The following BABAM2 variants were observed in gnomAD, a reference collection of about 807,000 sequenced individuals.
BABAM2 encodes the protein BRISC and BRCA1-A complex member 2.
In BABAM2, 31 loss-of-function variants were observed where a neutral mutation model predicts 54.7. The ratio of observed to expected loss-of-function variants is 0.57; its 90% CI spans 0.43 to 0.77. BABAM2 has a LOEUF of 0.77. Among genes scored for constraint, BABAM2 ranks in the 30% least tolerant of loss-of-function variants. The pLI, the probability that BABAM2 is intolerant of heterozygous loss-of-function variation, is 0.00. For missense variants in BABAM2, 364 were observed against 455.8 expected, an observed-to-expected ratio of 0.80 and a Z score of 1.83; for synonymous variants, 167 against 162.9, an observed-to-expected ratio of 1.03 and a Z score of -0.19.
At chr2:28,175,339 G>C (rs1674804347) in intron 7 of BABAM2, among the ~76,000 whole-genome samples, 1 of 152,116 alleles carries the variant, frequency 6.6e-6, no homozygotes, top group Admixed American at 6.6e-5. Context: ...CCACCTGGGG[G>C]CCTGAGGATC....
chr2:28,043,437 G>A (rs1677293426), intron 5 of BABAM2, among the ~76,000 whole-genome samples: 1 of 152,150 alleles, frequency 6.6e-6, no homozygotes, highest in South Asian at 2.1e-4. Flanking sequence ...CCTGGAGCAT[G>A]TATTCTTTTA....
chr2:27,899,326 A>G (rs1215012208), intron 2 of BABAM2, among the ~76,000 whole-genome samples: 1 of 152,174 alleles, frequency 6.6e-6, no homozygotes, highest in African/African-American at 2.4e-5. Context: ...ATCCTGAGAA[A>G]CCAGTTACGT....
chr2:28,247,554 C>T (rs551871700), intron 10 of BABAM2, among the ~76,000 whole-genome samples: 3 of 152,090 alleles, frequency 2.0e-5, no homozygotes, highest in Non-Finnish European at 4.4e-5. Context: ...TAACAAAGAA[C>T]ATTGCAGTGA....
intron 6 of BABAM2, among the ~76,000 whole-genome samples, chr2:28,105,940 CT>C (rs376801082): frequency 2.4e-3 from 337 of 141,508 alleles, no homozygotes; most frequent in Middle Eastern, 3.7e-3. Context: ...CAGCTCCTGT[CT>C]TTTTTTTTTT....
intron 6 of BABAM2, among the ~76,000 whole-genome samples, chr2:28,075,212 A>ATGGACACTT (rs1410781750): frequency 3.3e-5 from 5 of 152,298 alleles, no homozygotes; most frequent in African/African-American, 9.6e-5. Context: ...CTTGATCACA[A>ATGGACACTT]TGGACACTTT....
chr2:27,907,913 A>G (rs1051485799), intron 2 of BABAM2, among the ~76,000 whole-genome samples: 4 of 152,178 alleles, frequency 2.6e-5, no homozygotes, highest in African/African-American at 7.2e-5. Context: ...TTGTTTATCC[A>G]TTCATCTATT....
In BABAM2 at chr2:28,298,456, C is replaced by T; in HGVS notation, c.1053C>T (p.Pro351=). 6.2e-7 allele frequency: 1 copy of T among 1,614,174 alleles called. No individual in the cohort carries two copies. The change falls in exon 11 of 12, where the codon CCC becomes CCT. Residue 351 remains proline, a synonymous_variant. Transcript: ENST00000379624. ...SQAQKNYPYS[P]RWDGNEMAKR... is the part of the protein sequence containing the mutation. The stretch of plus-strand genomic sequence containing the variant: ...CCCAAAAAAATTATCCGTACAGCCC[C>T]AGATGGGATGGAAATGAAATGGCCA...
At chr2:28,299,694 A>C (rs1486379907) in intron 11 of BABAM2, among the ~76,000 whole-genome samples, 2 of 152,150 alleles carry the variant, frequency 1.3e-5, no homozygotes, top group Non-Finnish European at 2.9e-5. Context: ...CCAGCAAAGA[A>C]GATAAAGCCT....
chr2:28,041,475 A>G (rs1677093481), intron 5 of BABAM2, among the ~76,000 whole-genome samples: 1 of 152,146 alleles, frequency 6.6e-6, no homozygotes, highest in Admixed American at 6.5e-5. Flanking sequence ...TTCCACATAG[A>G]TGTAGTAGCC....
intron 5 of BABAM2, among the ~76,000 whole-genome samples, chr2:28,041,360 G>C (rs1001446532): frequency 1.3e-5 from 2 of 152,190 alleles, no homozygotes; most frequent in African/African-American, 4.8e-5. Flanking sequence ...AATGACTTGA[G>C]TTTGGTTTAT....
intron 5 of BABAM2, among the ~76,000 whole-genome samples, chr2:28,027,784 T>C (rs1380178416): frequency 6.6e-6 from 1 of 152,236 alleles, no homozygotes; most frequent in Non-Finnish European, 1.5e-5. Flanking sequence ...GTGTAAGTAT[T>C]GGTAATACCC....
chr2:28,193,573 A>G (rs774152426), intron 7 of BABAM2, among the ~76,000 whole-genome samples: 2 of 152,234 alleles, frequency 1.3e-5, no homozygotes, highest in Non-Finnish European at 2.9e-5. Context: ...ATGAAAATAC[A>G]AGGAGTTGTT....
chr2:27,901,970 T>A (rs1391999901), intron 2 of BABAM2, among the ~76,000 whole-genome samples: 1 of 152,258 alleles, frequency 6.6e-6, no homozygotes, highest in Non-Finnish European at 1.5e-5. Flanking sequence ...AGTATAAAGT[T>A]AATGAGATTT....
intron 4 of BABAM2, among the ~76,000 whole-genome samples, chr2:28,010,328 A>G (rs1454545442): frequency 2.0e-5 from 3 of 152,050 alleles, no homozygotes; most frequent in Non-Finnish European, 2.9e-5. Context: ...TCTTTTCCTT[A>G]TTATTTATTT....
chr2:28,217,212 A>G (rs1679999236), intron 7 of BABAM2, among the ~76,000 whole-genome samples: 1 of 152,172 alleles, frequency 6.6e-6, no homozygotes. Flanking sequence ...ATATCTGTTA[A>G]TATTTGTTGA....
At position 28,320,029 on chromosome 2, in the gene BABAM2, T is replaced by C. The variant is rs543956694; in HGVS notation, c.1089-18421T>C. 2.0e-5 allele frequency among the ~76,000 whole-genome samples: 3 copies of C among 152,234 alleles called. No homozygotes were observed. In the South Asian group the frequency reaches 6.2e-4, roughly 32 times the overall value. ...CTGGAGAAGACTGTGATGAACTCTG[T>C]GGGTGCTGCAGTGTTGTGGTCAGAT... On this transcript the variant is annotated intron_variant, in intron 11 of 11. Transcript: ENST00000379624.
intron 2 of BABAM2, among the ~76,000 whole-genome samples, chr2:27,922,536 C>G (rs1212042076): frequency 6.6e-6 from 1 of 152,224 alleles, no homozygotes; most frequent in Non-Finnish European, 1.5e-5. Context: ...TTCCCACTTT[C>G]ATAATCTGTA....
chr2:27,959,815 C>G (rs1328350352), intron 3 of BABAM2, among the ~76,000 whole-genome samples: 1 of 151,894 alleles, frequency 6.6e-6, no homozygotes, highest in Non-Finnish European at 1.5e-5. Flanking sequence ...AAAAACTGCT[C>G]ATTTTCTTTT....
At chr2:27,907,438 A>G (rs1407420489) in intron 2 of BABAM2, among the ~76,000 whole-genome samples, 1 of 152,122 alleles carries the variant, frequency 6.6e-6, no homozygotes, top group African/African-American at 2.4e-5. Flanking sequence ...TTTCATTTAA[A>G]AAACATTATT....
Sources: allele counts gnomAD v4.1 joint callset (sites outside exome capture counted in the v4.1 genomes callset), GRCh38; gene constraint gnomAD v4.1.1; transcripts MANE v1.5; gene names NCBI Gene and HGNC (gene_info 2026-07-23, HGNC 2026-07-21).